Variants in DPYD observed in about 807,000 individuals in gnomAD.
DPYD encodes dihydropyrimidine dehydrogenase [NADP(+)].
DPYD carries 109 observed loss-of-function variants against 116.2 expected under a neutral mutation model. That is an observed-to-expected ratio of 0.94 (90% confidence interval 0.80 to 1.10). The LOEUF (loss-of-function observed/expected upper bound fraction) is 1.10. DPYD is among the 50% of genes least tolerant of loss of function. The pLI, the probability that DPYD is intolerant of heterozygous loss-of-function variation, is 0.00. For synonymous variants in DPYD, 440 were observed against 432.0 expected (o/e 1.02, Z -0.23); for missense variants, 1,302 against 1,254.5 (o/e 1.04, Z -0.57).
At chr1:97,583,664 T>C (rs1213848678) in intron 10 of DPYD, among the ~76,000 whole-genome samples, 2 of 151,832 alleles carry the variant, frequency 1.3e-5, no homozygotes, top group East Asian at 3.8e-4. Flanking sequence ...TTTTTTTTTT[T>C]TTTAGTTCTC....
intron 18 of DPYD, among the ~76,000 whole-genome samples, chr1:97,286,552 T>C (rs1352656360): frequency 6.6e-6 from 1 of 152,176 alleles, no homozygotes; most frequent in African/African-American, 2.4e-5. Flanking sequence ...CACTTTCAGG[T>C]ACACCAATCA....
chr1:97,488,952 C>T (rs907446321), intron 13 of DPYD, among the ~76,000 whole-genome samples: 4 of 152,226 alleles, frequency 2.6e-5, no homozygotes, highest in African/African-American at 4.8e-5. Flanking sequence ...AGCTGTACCT[C>T]TGCTGCTGTG....
chr1:97,721,508 A>G lies in DPYD; in HGVS notation c.483+2T>C, dbSNP rs1662923330. ...GGGATGTCACGTGTATATCATACAT[A>G]CCTCAGTAGCAAATTGCTGCAATCC... On this transcript the variant is annotated splice_donor_variant, in intron 5 of 22. Transcript: ENST00000370192. LOFTEE classifies it high-confidence loss of function. 1.2e-6 allele frequency: 2 copies of G among 1,611,056 alleles called. No individual in the cohort carries two copies. The highest frequency in any genetic ancestry group is 1.7e-6 in the Non-Finnish European group (2 of 1,177,922).
At chr1:97,187,245 T>C (rs920395378) in intron 20 of DPYD, among the ~76,000 whole-genome samples, 1 of 152,200 alleles carries the variant, frequency 6.6e-6, no homozygotes, top group African/African-American at 2.4e-5. Context: ...ACATCTGTTA[T>C]TTTTTGACTT....
At chr1:97,206,784 T>C (rs776518587) in intron 19 of DPYD, among the ~76,000 whole-genome samples, 4 of 149,828 alleles carry the variant, frequency 2.7e-5, no homozygotes, top group South Asian at 2.1e-4. Flanking sequence ...TTTAGGTTTA[T>C]GCATACACAT....
At position 97,126,046 on chromosome 1, in the gene DPYD, G is replaced by A. The variant is rs369555650; in HGVS notation, c.2623-27414C>T. ...AAGTAATTTCAAAAGTAAAACTTTT[G>A]AGATTAATAGTACAATGATAAACTT... is the stretch of plus-strand genomic sequence containing the variant. On this transcript the variant is annotated intron_variant, in intron 20 of 22. Coordinates refer to ENST00000370192, the MANE Select transcript of DPYD (RefSeq NM_000110.4). 2.6e-5 allele frequency among the ~76,000 whole-genome samples: 4 copies of A among 152,034 alleles called. No individual in the cohort carries two copies. In the East Asian group the frequency reaches 7.7e-4, roughly 29 times the overall value.
intron 16 of DPYD, among the ~76,000 whole-genome samples, chr1:97,350,030 AAGAC>A: frequency 6.6e-6 from 1 of 152,204 alleles, no homozygotes. Flanking sequence ...AAGAAACAGA[AAGAC>A]AAAGTTAATT....
chr1:97,209,164 C>T lies in DPYD; in HGVS notation c.2443-15916G>A, dbSNP rs558364125. The stretch of plus-strand genomic sequence containing the variant: ...GTATAAACCAGAATCATATTACCAC[C>T]GCCTACCCATAAATCAATATACTAC... On this transcript the variant is annotated intron_variant, in intron 19 of 22. Coordinates refer to ENST00000370192, the MANE Select transcript of DPYD (RefSeq NM_000110.4). Among the ~76,000 whole-genome samples the T allele has an allele frequency of 1.8e-4, 27 of 152,146 alleles. 1 individual carries two copies. The highest frequency in any genetic ancestry group is 1.0e-3 in the South Asian group (5 of 4,820).
At chr1:97,492,877 T>C (rs1431733162) in intron 13 of DPYD, among the ~76,000 whole-genome samples, 2 of 152,164 alleles carry the variant, frequency 1.3e-5, no homozygotes, top group Non-Finnish European at 2.9e-5. Context: ...TTCAATATTC[T>C]AAAAAATCAA....
intron 13 of DPYD, among the ~76,000 whole-genome samples, chr1:97,501,458 T>C (rs1679575784): frequency 6.6e-6 from 1 of 151,996 alleles, no homozygotes; most frequent in African/African-American, 2.4e-5. Context: ...TCCCAGAACT[T>C]TGGAAGGCCA....
intron 20 of DPYD, among the ~76,000 whole-genome samples, chr1:97,168,312 A>G (rs368401669): frequency 4.6e-5 from 7 of 152,106 alleles, no homozygotes; most frequent in African/African-American, 1.7e-4. Context: ...TCTTCACTCT[A>G]TTGAGGGATG....
intron 5 of DPYD, among the ~76,000 whole-genome samples, chr1:97,702,337 C>T (rs1010060235): frequency 9.9e-5 from 15 of 151,392 alleles, no homozygotes; most frequent in African/African-American, 3.1e-4. Context: ...ATATGTTTAA[C>T]GTGATCAAGG....
chr1:97,220,963 T>G (rs2039448), intron 19 of DPYD, among the ~76,000 whole-genome samples: 55,355 of 151,934 alleles, frequency 0.36, 10,366 homozygotes, highest in East Asian at 0.54. Flanking sequence ...CAAATGGATT[T>G]CTGTGCTTCC....
intron 11 of DPYD, among the ~76,000 whole-genome samples, chr1:97,567,488 G>T (rs1321813520): frequency 6.6e-6 from 1 of 152,014 alleles, no homozygotes; most frequent in Non-Finnish European, 1.5e-5. Flanking sequence ...TGTAAGCAGT[G>T]GGTGAAGTAC....
chr1:97,139,153 G>C (rs1252505284), intron 20 of DPYD, among the ~76,000 whole-genome samples: 1 of 152,012 alleles, frequency 6.6e-6, no homozygotes, highest in African/African-American at 2.4e-5. Context: ...TCCAAATTAA[G>C]AATTCTACAA....
At chr1:97,134,479 A>T (rs773661274) in intron 20 of DPYD, among the ~76,000 whole-genome samples, 16 of 152,126 alleles carry the variant, frequency 1.1e-4, no homozygotes, top group Non-Finnish European at 2.2e-4. Context: ...TACTTTCCTC[A>T]TACGTGACAG....
chr1:97,892,491 T>G (rs1481073272), intron 1 of DPYD, among the ~76,000 whole-genome samples: 1 of 151,674 alleles, frequency 6.6e-6, no homozygotes, highest in East Asian at 1.9e-4. Flanking sequence ...TCCTGCTAGG[T>G]AGGGAACAGA....
At chr1:97,250,178 G>C (rs1353572172) in intron 18 of DPYD, among the ~76,000 whole-genome samples, 2 of 152,048 alleles carry the variant, frequency 1.3e-5, no homozygotes, top group Non-Finnish European at 2.9e-5. Flanking sequence ...GCTGAGGCAG[G>C]AGAATCGCGT....
intron 12 of DPYD, among the ~76,000 whole-genome samples, chr1:97,542,548 G>T (rs952562359): frequency 6.6e-6 from 1 of 151,966 alleles, no homozygotes; most frequent in South Asian, 2.1e-4. Context: ...GTTTCTTGTT[G>T]TTTGTGATGT....
Sources: allele counts gnomAD v4.1 joint callset (sites outside exome capture counted in the v4.1 genomes callset), GRCh38; gene constraint gnomAD v4.1.1; transcripts MANE v1.5; gene names NCBI Gene and HGNC (gene_info 2026-07-23, HGNC 2026-07-21).